COPS2: variants seen among roughly 807,000 people sequenced by gnomAD.
COPS2 encodes the protein COP9 signalosome complex subunit 2.
COPS2 carries 10 observed loss-of-function variants against 66.1 expected under a neutral mutation model. The observed-to-expected ratio is 0.15, with a 90% confidence interval of 0.09 to 0.26. COPS2 has a LOEUF of 0.26. Among genes scored for constraint, COPS2 ranks in the 10% least tolerant of loss-of-function variants. The pLI is 1.00. For synonymous variants in COPS2, 179 were observed against 171.3 expected, an observed-to-expected ratio of 1.04 and a Z score of -0.35; for missense variants, 215 against 513.3, an observed-to-expected ratio of 0.42 and a Z score of 5.62.
At chr15:49,150,799 T>C (rs932058622) in intron 1 of COPS2, among the ~76,000 whole-genome samples, 7 of 152,106 alleles carry the variant, frequency 4.6e-5, no homozygotes, top group Non-Finnish European at 5.9e-5. Flanking sequence ...AAAATAACTA[T>C]TGGATACTTG....
Position 49,127,973 on chromosome 15 carries a change from C to T in COPS2, c.1309G>A (p.Ala437Thr). Residue 437 changes from alanine to threonine, a missense_variant, in exon 13 of 13, where the codon GCT becomes ACT. Physicochemically the swap from Ala to Thr is moderately conservative, Grantham distance 58 (BLOSUM62 0). This residue lies in a region of COPS2 where 42 missense variants were observed against 55.9 expected (regional missense o/e 0.75). Transcript: ENST00000388901. ...WTNQLNSLNQ[A>T]VVSKLA The stretch of plus-strand genomic sequence containing the variant: ...TGTTAAGCCAGTTTACTGACTACAG[C>T]CTGGTTGAGAGAATTTAGTTGGTTG... 6.2e-7 allele frequency: 1 copy of T among 1,613,946 alleles called. No homozygotes were observed. The highest frequency in any genetic ancestry group is 8.5e-7 in the Non-Finnish European group (1 of 1,179,878).
Position 49,124,198 on chromosome 15 carries a change from CTT to C in COPS2, c.*3750_*3751del, listed in dbSNP as rs1354019082. 1 of 151,948 alleles carries C rather than the reference CTT, an allele frequency of 6.6e-6. No homozygotes were observed. Among genetic ancestry groups the C allele is most frequent in the African/African-American group, 2.4e-5 (1 of 41,350 alleles). The allele number at this position is 151,948 out of a possible 1,614,324, so 9.4% of individuals were successfully genotyped here. ...ACCAGCCTGGCCAACATGGTGAAAT[CTT>C]GTCTCTACTAAAAACACAAAAATTA... is the stretch of plus-strand genomic sequence containing the variant. On this transcript the variant is annotated 3_prime_UTR_variant, in exon 13 of 13. Coordinates refer to ENST00000388901, the MANE Select transcript of COPS2 (RefSeq NM_004236.4).
intron 1 of COPS2, among the ~76,000 whole-genome samples, 189 bp downstream of exon 1, chr15:49,155,336 T>TC (rs995090888): frequency 2.0e-5 from 3 of 152,064 alleles, no homozygotes; most frequent in Non-Finnish European, 4.4e-5. Flanking sequence ...TGCCCTCCCT[T>TC]CCCCCATGCT....
chr15:49,146,464 G>A (rs531355234), intron 1 of COPS2, among the ~76,000 whole-genome samples: 1 of 152,268 alleles, frequency 6.6e-6, no homozygotes, highest in African/African-American at 2.4e-5. Context: ...TACACAGAAT[G>A]ATGCTGTGAC....
chr15:49,128,915 G>A (rs1217486864), intron 11 of COPS2, among the ~76,000 whole-genome samples, 155 bp from the exon 12 acceptor site: 5 of 151,990 alleles, frequency 3.3e-5, no homozygotes, highest in Non-Finnish European at 7.4e-5. Context: ...AAATATATCC[G>A]AGAACACAGG....
chr15:49,142,693 T>A (rs1017838496), intron 3 of COPS2, among the ~76,000 whole-genome samples: 2 of 152,216 alleles, frequency 1.3e-5, no homozygotes, highest in Non-Finnish European at 2.9e-5. Flanking sequence ...TCCTATCATC[T>A]CCTGATCCTT....
intron 10 of COPS2, 127 bp downstream of exon 10, chr15:49,130,592 T>G: frequency 2.1e-6 from 1 of 482,008 alleles, no homozygotes; most frequent in Non-Finnish European, 3.7e-6. Context: ...TGACAGCATT[T>G]AGAAACATAT....
intron 1 of COPS2, among the ~76,000 whole-genome samples, chr15:49,148,268 T>A (rs2084335196): frequency 6.6e-6 from 1 of 152,046 alleles, no homozygotes; most frequent in African/African-American, 2.4e-5. Flanking sequence ...CATGGTCTAT[T>A]AAGGAACAGA....
chr15:49,146,232 C>T lies in COPS2; in HGVS notation c.55-1154G>A, dbSNP rs148038659. Reference sequence around the variant, plus strand: ...GATAATTCCTTCCTCGTGTGAAGACCTGAGTCTGTCAGTCTTACAGATTTA... The same window carrying T: ...GATAATTCCTTCCTCGTGTGAAGACTTGAGTCTGTCAGTCTTACAGATTTA... On this transcript the variant is annotated intron_variant, in intron 1 of 12. Coordinates refer to ENST00000388901, the MANE Select transcript of COPS2 (RefSeq NM_004236.4). Among the ~76,000 whole-genome samples, 347 of 152,162 alleles carry T rather than the reference C, an allele frequency of 2.3e-3. 2 individuals are homozygous for T. Among genetic ancestry groups the T allele is most frequent in the Non-Finnish European group, 3.8e-3 (258 of 67,952 alleles).
chr15:49,127,940 T>C lies in COPS2; in HGVS notation c.*10A>G, dbSNP rs897982625. The C allele has an allele frequency of 2.5e-6, 4 of 1,613,426 alleles. No individual in the cohort carries two copies. The highest frequency in any genetic ancestry group is 3.4e-6 in the Non-Finnish European group (4 of 1,179,588). On this transcript the variant is annotated 3_prime_UTR_variant, in exon 13 of 13. Coordinates refer to ENST00000388901, the MANE Select transcript of COPS2 (RefSeq NM_004236.4). ...TTGCCTTAAGGACGTCTGTAAAAGC[T>C]TGTTCTCTGTTAAGCCAGTTTACTG... is the stretch of plus-strand genomic sequence containing the variant.
In COPS2 at chr15:49,128,276, T is replaced by G. The variant is rs562814387; in HGVS notation, c.1188-182A>C. ...TCAAACTCTAGATAGAAACCAGATT[T>G]CAGATACTTTTCATCAGTTTCACTG... On this transcript the variant is annotated intron_variant, in intron 12 of 12. Coordinates refer to ENST00000388901, the MANE Select transcript of COPS2 (RefSeq NM_004236.4). Among the ~76,000 whole-genome samples, 21 of 152,304 alleles carry G rather than the reference T, an allele frequency of 1.4e-4. No individual in the cohort carries two copies. In the South Asian group the frequency reaches 4.3e-3, roughly 32 times the overall value.
chr15:49,132,840 C>T (rs1011471090), intron 9 of COPS2, among the ~76,000 whole-genome samples: 2 of 152,016 alleles, frequency 1.3e-5, no homozygotes, highest in Admixed American at 6.6e-5. Flanking sequence ...ATAATTTTGT[C>T]GAATATTAAT....
At chr15:49,138,723 C>G (rs1413639965) in intron 4 of COPS2, among the ~76,000 whole-genome samples, 1 of 151,990 alleles carries the variant, frequency 6.6e-6, no homozygotes, top group Non-Finnish European at 1.5e-5. Flanking sequence ...AAAATGACAT[C>G]TAGTAGAAAA....
In COPS2 at chr15:49,124,928, C is replaced by T. The variant is rs921318710; in HGVS notation, c.*3022G>A. On this transcript the variant is annotated 3_prime_UTR_variant, in exon 13 of 13. Coordinates refer to ENST00000388901, the MANE Select transcript of COPS2 (RefSeq NM_004236.4). ...TGTCTTATGGACTAACTGCTTCACC[C>T]ATAGATTTAGACTGACACTGACACC... The T allele has an allele frequency of 6.6e-6, 1 of 152,256 alleles. No individual in the cohort carries two copies. Among genetic ancestry groups the T allele is most frequent in the Non-Finnish European group, 1.5e-5 (1 of 68,006 alleles). The allele number at this position is 152,256 out of a possible 1,614,324, so 9.4% of individuals were successfully genotyped here.
chr15:49,137,628 C>T (rs757792729), intron 4 of COPS2, 191 bp from the exon 5 acceptor site: 66 of 524,810 alleles, frequency 1.3e-4, no homozygotes, highest in Non-Finnish European at 2.0e-4. Flanking sequence ...TTTACAAGTA[C>T]CATGATGCGT....
chr15:49,124,839 A>C lies in COPS2; in HGVS notation c.*3111T>G, dbSNP rs1555391335. On this transcript the variant is annotated 3_prime_UTR_variant, in exon 13 of 13. Transcript: ENST00000388901. ...ATTTTAAAAAATCCTTAGTAAATTA[A>C]TGATTACAGATCTCTGAGCTTCTTA... 6.6e-6 allele frequency: 1 copy of C among 152,196 alleles called. No homozygotes were observed. Among genetic ancestry groups the C allele is most frequent in the Non-Finnish European group, 1.5e-5 (1 of 68,022 alleles). The allele number at this position is 152,196 out of a possible 1,614,324, so 9.4% of individuals were successfully genotyped here.
chr15:49,137,684 T>C (rs1287847041), intron 4 of COPS2: 1 of 403,268 alleles, frequency 2.5e-6, no homozygotes, highest in Admixed American at 4.0e-5. Flanking sequence ...AACATAGTGC[T>C]GTAAGTTCTC....
intron 1 of COPS2, among the ~76,000 whole-genome samples, chr15:49,150,276 A>AT (rs1390883693): frequency 2.8e-4 from 43 of 150,960 alleles, no homozygotes; most frequent in African/African-American, 8.4e-4. Flanking sequence ...ATAAAAATAA[A>AT]AAAATAAATA....
At chr15:49,140,412 C>G (rs1223338940) in intron 3 of COPS2, among the ~76,000 whole-genome samples, 1 of 152,164 alleles carries the variant, frequency 6.6e-6, no homozygotes, top group Non-Finnish European at 1.5e-5. Context: ...TGTTTCTTTT[C>G]TCCCTACAAC....
Sources: gnomAD v4.1 joint callset for allele counts (sites outside exome capture counted in the v4.1 genomes callset) on GRCh38, gnomAD v4.1.1 for gene constraint, gnomAD v4.1.1 regional missense constraint, MANE v1.5 for transcripts, NCBI Gene and HGNC (gene_info 2026-07-23, HGNC 2026-07-21) for gene names.